Variants in PTPRD observed in about 807,000 individuals in gnomAD.
PTPRD encodes the protein receptor-type tyrosine-protein phosphatase delta.
PTPRD carries 34 observed loss-of-function variants against 214.5 expected under a neutral mutation model. The observed-to-expected ratio is 0.16, with a 90% confidence interval of 0.12 to 0.21. The LOEUF (loss-of-function observed/expected upper bound fraction) is 0.21, where lower values mean the gene tolerates loss of function less well. Ranked by LOEUF, PTPRD falls within the 10% of genes least tolerant of loss-of-function variation. PTPRD has a pLI of 1.00. For synonymous variants in PTPRD, 1,128 were observed against 845.7 expected (o/e 1.33, Z -5.79); for missense variants, 2,545 against 2,398.7 (o/e 1.06, Z -1.27).
In PTPRD at chr9:8,315,242, C is replaced by T. The variant is rs146041308; in HGVS notation, c.*2632G>A. On this transcript the variant is annotated 3_prime_UTR_variant, in exon 46 of 46. Transcript: ENST00000381196. ...AACAGCTCCTGAACAGTAAGATTCC[C>T]GCAATAGTCTCCGCCTCGTTCGTCT... 518 of 232,668 alleles carry T rather than the reference C, an allele frequency of 2.2e-3. 5 individuals are homozygous for T. Among genetic ancestry groups the T allele is most frequent in the East Asian group, 0.02 (323 of 16,550 alleles). The allele number at this position is 232,668 out of a possible 1,614,324, so 14.4% of individuals were successfully genotyped here. A position where few individuals can be genotyped will look rare whatever the true frequency, so the allele number is the denominator to read the frequency against.
intron 30 of PTPRD, among the ~76,000 whole-genome samples, chr9:8,483,188 T>A (rs2096923522): frequency 6.6e-6 from 1 of 152,248 alleles, no homozygotes; most frequent in African/African-American, 2.4e-5. Context: ...AATTTTCCAC[T>A]TCAGGCCTGT....
intron 5 of PTPRD, among the ~76,000 whole-genome samples, chr9:9,899,750 C>A (rs1294790776): frequency 6.6e-6 from 1 of 151,968 alleles, no homozygotes; most frequent in Non-Finnish European, 1.5e-5. Flanking sequence ...ATCTGCACTT[C>A]CATTTTGGTT....
Position 10,097,137 on chromosome 9 carries a change from G to A in PTPRD, c.-544-63347C>T, listed in dbSNP as rs754271143. 9.4e-4 allele frequency among the ~76,000 whole-genome samples: 137 copies of A among 145,512 alleles called. 2 individuals are homozygous for A. The Middle Eastern group carries it at 0.015, about 16-fold the overall frequency. ...CCAGTACCATGCTGTTTTGGTTACT[G>A]TAGCCTTGTAGTATAGTTTGAAGTC... On this transcript the variant is annotated intron_variant, in intron 3 of 45. Coordinates refer to ENST00000381196, the MANE Select transcript of PTPRD (RefSeq NM_002839.4).
intron 9 of PTPRD, among the ~76,000 whole-genome samples, chr9:9,259,009 A>C (rs185374784): frequency 6.6e-6 from 1 of 151,870 alleles, no homozygotes; most frequent in East Asian, 2.0e-4. Flanking sequence ...AGGAAAAAGG[A>C]TCATATAGTT....
chr9:10,511,951 T>C (rs1167971214), intron 2 of PTPRD, among the ~76,000 whole-genome samples: 1 of 78,268 alleles, frequency 1.3e-5, no homozygotes, highest in Non-Finnish European at 2.6e-5. Flanking sequence ...TATATACGTG[T>C]GTGTATATAT....
intron 9 of PTPRD, among the ~76,000 whole-genome samples, chr9:9,390,559 A>G (rs528792947): frequency 6.6e-6 from 1 of 152,280 alleles, no homozygotes; most frequent in Non-Finnish European, 1.5e-5. Flanking sequence ...AATTTTAAAA[A>G]TTTAAAAATG....
intron 11 of PTPRD, among the ~76,000 whole-genome samples, chr9:9,005,641 T>C (rs1005664611): frequency 1.3e-5 from 2 of 152,072 alleles, no homozygotes; most frequent in Admixed American, 1.3e-4. Context: ...CTTTCAGCTG[T>C]AGAGGATGAT....
At chr9:10,606,444 C>G (rs1359629131) in intron 2 of PTPRD, among the ~76,000 whole-genome samples, 1 of 151,644 alleles carries the variant, frequency 6.6e-6, no homozygotes, top group African/African-American at 2.4e-5. Context: ...GAGTATTTTT[C>G]CTAAATTCTA....
At chr9:9,142,895 T>A (rs923139480) in intron 10 of PTPRD, among the ~76,000 whole-genome samples, 33 of 152,276 alleles carry the variant, frequency 2.2e-4, no homozygotes, top group African/African-American at 7.9e-4. Context: ...CCTGGTCTTC[T>A]GGCTTCCTGT....
Position 10,612,856 on chromosome 9 carries a change from G to C in PTPRD, c.-876C>G, listed in dbSNP as rs540095403. On this transcript the variant is annotated 5_prime_UTR_variant, in exon 1 of 46. Transcript: ENST00000381196. Reference sequence around the variant, plus strand: ...TCGGAGAAGCAGCCGAGACGGCAAGGAGGAGGCGAGGCTCTGTCGGGGCGA... The same window carrying C: ...TCGGAGAAGCAGCCGAGACGGCAAGCAGGAGGCGAGGCTCTGTCGGGGCGA... The C allele has an allele frequency of 9.2e-5, 14 of 152,190 alleles. No individual in the cohort carries two copies. The East Asian group carries it at 2.5e-3, about 28-fold the overall frequency. The allele number at this position is 152,190 out of a possible 1,614,324, so 9.4% of individuals were successfully genotyped here.
At chr9:9,324,342 C>G (rs1318455546) in intron 9 of PTPRD, among the ~76,000 whole-genome samples, 1 of 152,196 alleles carries the variant, frequency 6.6e-6, no homozygotes, top group Non-Finnish European at 1.5e-5. Context: ...CACAACCTCT[C>G]CAGCACCTGT....
chr9:10,287,468 C>T (rs562387717), intron 3 of PTPRD, among the ~76,000 whole-genome samples: 1 of 152,266 alleles, frequency 6.6e-6, no homozygotes, highest in Non-Finnish European at 1.5e-5. Context: ...TAAATGACCC[C>T]ATGCACCCTA....
At chr9:9,304,985 C>T (rs1175608030) in intron 9 of PTPRD, among the ~76,000 whole-genome samples, 1 of 146,884 alleles carries the variant, frequency 6.8e-6, no homozygotes, top group East Asian at 2.0e-4. Context: ...CCGAACTGTG[C>T]TTTAAACAGA....
rs184455418 is a variant in PTPRD at position 10,473,512 on chromosome 9, G to T, written c.-599-132495C>A. On this transcript the variant is annotated intron_variant, in intron 2 of 45. Coordinates refer to ENST00000381196, the MANE Select transcript of PTPRD (RefSeq NM_002839.4). ...AATGAACAAGACTGAGCTTGCACAT[G>T]CGTGAGTGTGAGTGTGTATGTGTAC... is the stretch of plus-strand genomic sequence containing the variant. Among the ~76,000 whole-genome samples, 370 of 152,226 alleles carry T rather than the reference G, an allele frequency of 2.4e-3. 2 individuals carry two copies. Among genetic ancestry groups the T allele is most frequent in the African/African-American group, 8.4e-3 (351 of 41,566 alleles).
chr9:10,320,754 G>T (rs1028922992), intron 3 of PTPRD, among the ~76,000 whole-genome samples: 1 of 151,408 alleles, frequency 6.6e-6, no homozygotes, highest in Admixed American at 6.6e-5. Context: ...TTTGAGACAG[G>T]GTCTCACTCT....
At chr9:9,589,289 A>G (rs958446748) in intron 7 of PTPRD, among the ~76,000 whole-genome samples, 1 of 151,924 alleles carries the variant, frequency 6.6e-6, no homozygotes, top group Non-Finnish European at 1.5e-5. Flanking sequence ...TACATTTCCT[A>G]CATAGAAAAT....
intron 3 of PTPRD, among the ~76,000 whole-genome samples, chr9:10,328,683 C>G (rs534818080): frequency 6.6e-6 from 1 of 151,746 alleles, no homozygotes; most frequent in Non-Finnish European, 1.5e-5. Flanking sequence ...TAAGTTCAGG[C>G]CTTCAGATGG....
At chr9:10,597,394 G>T (rs922495971) in intron 2 of PTPRD, among the ~76,000 whole-genome samples, 1 of 151,610 alleles carries the variant, frequency 6.6e-6, no homozygotes, top group Non-Finnish European at 1.5e-5. Context: ...CACTGTCAGG[G>T]TTTCATTCTT....
chr9:10,487,593 G>T (rs957183472), intron 2 of PTPRD, among the ~76,000 whole-genome samples: 3 of 151,908 alleles, frequency 2.0e-5, no homozygotes, highest in Non-Finnish European at 2.9e-5. Context: ...AACGAATATA[G>T]ACACAGGAAG....
Sources: gnomAD v4.1 joint callset for allele counts (sites outside exome capture counted in the v4.1 genomes callset) on GRCh38, gnomAD v4.1.1 for gene constraint, MANE v1.5 for transcripts, NCBI Gene and HGNC (gene_info 2026-07-23, HGNC 2026-07-21) for gene names.